Variants in CDH13 observed in about 807,000 individuals in gnomAD.
CDH13 encodes the protein cadherin 13.
CDH13 carries 24 observed loss-of-function variants against 63.8 expected under a neutral mutation model. The ratio of observed to expected loss-of-function variants is 0.38; its 90% CI spans 0.27 to 0.53. The LOEUF (loss-of-function observed/expected upper bound fraction) is 0.53. CDH13 is among the 20% of genes least tolerant of loss of function. The pLI is 0.85. For missense variants in CDH13, 1,049 were observed against 903.1 expected, an observed-to-expected ratio of 1.16 and a Z score of -2.07; for synonymous variants, 503 against 355.3, an observed-to-expected ratio of 1.42 and a Z score of -4.67.
chr16:82,881,040 G>A (rs2040684760), intron 2 of CDH13, among the ~76,000 whole-genome samples: 2 of 152,190 alleles, frequency 1.3e-5, no homozygotes, highest in African/African-American at 4.8e-5. Context: ...CCTTTCAAAT[G>A]GAATGCGTGG....
At chr16:83,539,009 C>G (rs964134807) in intron 7 of CDH13, among the ~76,000 whole-genome samples, 1 of 152,044 alleles carries the variant, frequency 6.6e-6, no homozygotes, top group African/African-American at 2.4e-5. Context: ...TTTTATTAAA[C>G]CAAGATTCAT....
chr16:82,697,776 TGTGTGTGTGTGTAA>T (rs2030515760), intron 1 of CDH13, among the ~76,000 whole-genome samples: 1 of 143,938 alleles, frequency 6.9e-6, no homozygotes, highest in South Asian at 2.2e-4. Flanking sequence ...TGTGTGTGTG[TGTGTGTGTGTGTAA>T]GTTTTTTCAT....
chr16:83,145,496 A>G (rs2036710039), intron 4 of CDH13, among the ~76,000 whole-genome samples: 1 of 152,184 alleles, frequency 6.6e-6, no homozygotes. Flanking sequence ...TGCAGTCATT[A>G]TTTTTACACT....
At chr16:82,758,451 C>A (rs1418340120) in intron 1 of CDH13, among the ~76,000 whole-genome samples, 1 of 151,848 alleles carries the variant, frequency 6.6e-6, no homozygotes, top group Admixed American at 6.6e-5. Flanking sequence ...CTTTGTCTCC[C>A]CATTTCTTTT....
At chr16:83,732,054 T>C (rs1384248605) in intron 10 of CDH13, among the ~76,000 whole-genome samples, 1 of 152,222 alleles carries the variant, frequency 6.6e-6, no homozygotes, top group Non-Finnish European at 1.5e-5. Context: ...TCAAAAAATA[T>C]TGAAAAATTC....
chr16:83,318,251 AGTGT>A (rs1356316086), intron 5 of CDH13, among the ~76,000 whole-genome samples: 2 of 152,112 alleles, frequency 1.3e-5, no homozygotes, highest in Admixed American at 6.6e-5. Flanking sequence ...TGTTTTCCTG[AGTGT>A]GGGTTGTCTA....
chr16:83,078,943 C>T (rs1292781611), intron 3 of CDH13, among the ~76,000 whole-genome samples: 3 of 152,104 alleles, frequency 2.0e-5, no homozygotes, highest in Non-Finnish European at 2.9e-5. Context: ...TACACGTGTG[C>T]ACCACCACAG....
chr16:83,739,878 TTAAG>T (rs1402770915), intron 10 of CDH13: 11 of 152,134 alleles, frequency 7.2e-5, no homozygotes, highest in African/African-American at 2.7e-4. Flanking sequence ...GTATGAAGGG[TTAAG>T]TAAGATAGAT....
chr16:83,391,408 G>A (rs111802102), intron 6 of CDH13, among the ~76,000 whole-genome samples: 3 of 152,040 alleles, frequency 2.0e-5, no homozygotes, highest in Non-Finnish European at 4.4e-5. Flanking sequence ...GTTTCACCAT[G>A]TTGGCCCGGC....
At chr16:83,167,835 C>T (rs1430917364) in intron 4 of CDH13, among the ~76,000 whole-genome samples, 5 of 151,716 alleles carry the variant, frequency 3.3e-5, no homozygotes, top group South Asian at 2.1e-4. Flanking sequence ...TGAAAAAAAA[C>T]GTGGTACATA....
At chr16:82,669,944 T>G (rs145289748) in intron 1 of CDH13, among the ~76,000 whole-genome samples, 9 of 152,346 alleles carry the variant, frequency 5.9e-5, no homozygotes, top group Admixed American at 2.6e-4. Context: ...GAGAATTTCT[T>G]GCAGCCTGTA....
At chr16:82,731,331 A>G (rs1321222676) in intron 1 of CDH13, among the ~76,000 whole-genome samples, 1 of 152,242 alleles carries the variant, frequency 6.6e-6, no homozygotes, top group African/African-American at 2.4e-5. Flanking sequence ...GTGTTTCAAT[A>G]AAACTTTATT....
At chr16:83,225,130 A>G (rs2039803110) in intron 5 of CDH13, among the ~76,000 whole-genome samples, 1 of 152,166 alleles carries the variant, frequency 6.6e-6, no homozygotes, top group Non-Finnish European at 1.5e-5. Context: ...TCTGGGTTTT[A>G]GCCAGCCCAC....
chr16:83,063,830 C>G (rs1164899461), intron 3 of CDH13, among the ~76,000 whole-genome samples: 1 of 152,138 alleles, frequency 6.6e-6, no homozygotes, highest in Non-Finnish European at 1.5e-5. Context: ...TCTCTTCAGT[C>G]TCTGGAGGCA....
At chr16:83,483,887 C>T (rs970932933) in intron 6 of CDH13, among the ~76,000 whole-genome samples, 1 of 152,214 alleles carries the variant, frequency 6.6e-6, no homozygotes, top group Non-Finnish European at 1.5e-5. Flanking sequence ...AATTCTGTAG[C>T]ATGTCAATGG....
intron 3 of CDH13, among the ~76,000 whole-genome samples, chr16:83,076,375 G>A (rs968265648): frequency 6.6e-6 from 1 of 152,164 alleles, no homozygotes; most frequent in African/African-American, 2.4e-5. Flanking sequence ...AGAGCTTGTT[G>A]CTGGGGATTG....
Position 83,795,004 on chromosome 16 carries a change from C to G in CDH13, c.2135-19C>G. On this transcript the variant is annotated intron_variant, in intron 13 of 13. Coordinates refer to ENST00000567109, the MANE Select transcript of CDH13 (RefSeq NM_001257.5). ...GAGTGGTGATATTCCCGACTTAACTCTGAACCCTCTCTATTCAGGTCTGTG... is the reference window on the plus strand; with the variant it reads ...GAGTGGTGATATTCCCGACTTAACTGTGAACCCTCTCTATTCAGGTCTGTG... The G allele has an allele frequency of 6.3e-7, 1 of 1,592,952 alleles. No individual in the cohort carries two copies. Among genetic ancestry groups the G allele is most frequent in the Non-Finnish European group, 8.6e-7 (1 of 1,169,070 alleles).
chr16:83,134,567 G>A (rs1320846538), intron 4 of CDH13, among the ~76,000 whole-genome samples: 1 of 125,220 alleles, frequency 8.0e-6, no homozygotes, highest in Non-Finnish European at 1.6e-5. Context: ...GAGAGAGAGA[G>A]AGAGAGAGAG....
At chr16:83,707,836 CAAAA>C (rs61067563) in intron 10 of CDH13, among the ~76,000 whole-genome samples, 4,826 of 78,858 alleles carry the variant, frequency 0.061, 201 homozygotes, top group Middle Eastern at 0.11. Flanking sequence ...ACCCTAAAGG[CAAAA>C]AAAAAAAAAA....
Sources: gnomAD v4.1 joint callset for allele counts (sites outside exome capture counted in the v4.1 genomes callset) on GRCh38, gnomAD v4.1.1 for gene constraint, MANE v1.5 for transcripts, NCBI Gene and HGNC (gene_info 2026-07-23, HGNC 2026-07-21) for gene names.